Variants in FGD4 observed in about 807,000 individuals in gnomAD.
The protein encoded by FGD4 is FYVE, RhoGEF and PH domain containing 4, also known as FYVE, RhoGEF and PH domain-containing protein 4.
A neutral mutation model predicts 102.0 loss-of-function variants in FGD4; 42 were observed. The observed-to-expected ratio is 0.41, with a 90% CI of 0.32 to 0.53. FGD4 has a LOEUF of 0.53. Ranked by LOEUF, FGD4 falls within the 20% of genes least tolerant of loss-of-function variation. The probability of loss-of-function intolerance (pLI) is 0.21; values close to 1 mark genes in which losing one functional copy is unlikely to be tolerated. For missense variants in FGD4, 902 were observed against 1,078.2 expected (o/e 0.84, Z 2.29); for synonymous variants, 380 against 375.7 (o/e 1.01, Z -0.13).
chr12:32,465,130 G>T (rs956499364), intron 1 of FGD4, among the ~76,000 whole-genome samples: 2 of 152,052 alleles, frequency 1.3e-5, no homozygotes, highest in Non-Finnish European at 2.9e-5. Flanking sequence ...TTTGGGGTTG[G>T]GGCAGTGACC....
intron 2 of FGD4, among the ~76,000 whole-genome samples, chr12:32,573,626 A>G (rs939804301): frequency 6.6e-6 from 1 of 152,244 alleles, no homozygotes; most frequent in Admixed American, 6.5e-5. Flanking sequence ...TTAGTCATTC[A>G]TGTATCATCT....
intron 1 of FGD4, among the ~76,000 whole-genome samples, chr12:32,489,156 A>G (rs1051354256): frequency 2.0e-5 from 3 of 152,126 alleles, no homozygotes; most frequent in African/African-American, 7.2e-5. Flanking sequence ...ATCTCAGCCT[A>G]TGCTTCTCTT....
At chr12:32,487,434 T>TTAC (rs984268032) in intron 1 of FGD4, among the ~76,000 whole-genome samples, 1 of 152,028 alleles carries the variant, frequency 6.6e-6, no homozygotes, top group African/African-American at 2.4e-5. Context: ...GTTATTATTA[T>TTAC]TATCATTTTT....
intron 1 of FGD4, among the ~76,000 whole-genome samples, chr12:32,432,573 CAG>C (rs1310912894): frequency 1.3e-5 from 2 of 150,018 alleles, no homozygotes; most frequent in African/African-American, 4.9e-5. Flanking sequence ...CACTGCACTC[CAG>C]CCTGGGTGAC....
chr12:32,511,445 G>A (rs1259420563), intron 1 of FGD4, among the ~76,000 whole-genome samples: 1 of 152,050 alleles, frequency 6.6e-6, no homozygotes, highest in African/African-American at 2.4e-5. Context: ...GACTACAGGT[G>A]CCCACCACCA....
chr12:32,468,522 A>T (rs935508958), intron 1 of FGD4, among the ~76,000 whole-genome samples: 12 of 152,132 alleles, frequency 7.9e-5, no homozygotes, highest in African/African-American at 2.9e-4. Flanking sequence ...TCTAAGAAGG[A>T]TCTGTGTGCC....
At chr12:32,583,088 G>T (rs1946740592) in intron 4 of FGD4, 1 of 152,662 alleles carries the variant, frequency 6.6e-6, no homozygotes, top group Admixed American at 6.5e-5. Flanking sequence ...TGTAATCCCA[G>T]TACTTTGCGG....
At chr12:32,613,993 A>G (rs1462906913) in intron 10 of FGD4, among the ~76,000 whole-genome samples, 1 of 152,212 alleles carries the variant, frequency 6.6e-6, no homozygotes, top group Non-Finnish European at 1.5e-5. Flanking sequence ...GGGACAAGAC[A>G]TTGTTGAAGA....
At chr12:32,454,223 G>A (rs1942891199) in intron 1 of FGD4, among the ~76,000 whole-genome samples, 1 of 152,188 alleles carries the variant, frequency 6.6e-6, no homozygotes, top group African/African-American at 2.4e-5. Flanking sequence ...CATTCACACT[G>A]GATGAGTAAT....
chr12:32,405,451 G>A (rs1203432807), intron 1 of FGD4, among the ~76,000 whole-genome samples: 1 of 150,708 alleles, frequency 6.6e-6, no homozygotes, highest in Admixed American at 6.6e-5. Context: ...TAGAGATGGG[G>A]TTTCTCCAAG....
intron 1 of FGD4, among the ~76,000 whole-genome samples, chr12:32,444,327 GGCTGA>G (rs1216226641): frequency 6.6e-6 from 1 of 152,096 alleles, no homozygotes; most frequent in Non-Finnish European, 1.5e-5. Context: ...CCAGCCAACA[GGCTGA>G]TTTTCAAGAT....
intron 1 of FGD4, among the ~76,000 whole-genome samples, chr12:32,495,650 C>T (rs1170179645): frequency 4.0e-5 from 6 of 148,770 alleles, no homozygotes; most frequent in South Asian, 2.1e-4. Flanking sequence ...GAGCCGAGAT[C>T]GCACCACTGC....
At chr12:32,487,829 T>A (rs1318651312) in intron 1 of FGD4, among the ~76,000 whole-genome samples, 1 of 152,206 alleles carries the variant, frequency 6.6e-6, no homozygotes, top group East Asian at 1.9e-4. Context: ...AGCCTCCCGA[T>A]AGCTGGGACT....
chr12:32,545,814 T>C (rs894576094), intron 1 of FGD4, among the ~76,000 whole-genome samples: 1 of 152,222 alleles, frequency 6.6e-6, no homozygotes, highest in Non-Finnish European at 1.5e-5. Context: ...TTCTGTTGCT[T>C]CTAACCCTTC....
chr12:32,462,678 A>G (rs1357077319), intron 1 of FGD4, among the ~76,000 whole-genome samples: 2 of 152,182 alleles, frequency 1.3e-5, no homozygotes, highest in African/African-American at 4.8e-5. Context: ...TTTCTGTCTT[A>G]ACTGAAGACC....
At chr12:32,447,246 T>C (rs1370663453) in intron 1 of FGD4, among the ~76,000 whole-genome samples, 1 of 152,188 alleles carries the variant, frequency 6.6e-6, no homozygotes, top group Non-Finnish European at 1.5e-5. Flanking sequence ...TGGGGAGTCA[T>C]TAGGCTGAAA....
chr12:32,466,934 C>CT (rs941323348), intron 1 of FGD4, among the ~76,000 whole-genome samples: 3 of 151,520 alleles, frequency 2.0e-5, no homozygotes, highest in Non-Finnish European at 4.4e-5. Context: ...CAGGCAAGGC[C>CT]TTTTTAGAGG....
intron 1 of FGD4, among the ~76,000 whole-genome samples, chr12:32,461,397 CAT>C (rs1943100517): frequency 6.6e-6 from 1 of 152,168 alleles, no homozygotes; most frequent in Non-Finnish European, 1.5e-5. Context: ...TAGGAGCTCA[CAT>C]GTTATAGAAA....
At chr12:32,601,849 A>G (rs554044836) in intron 6 of FGD4, among the ~76,000 whole-genome samples, 2 of 152,014 alleles carry the variant, frequency 1.3e-5, no homozygotes, top group Non-Finnish European at 2.9e-5. Context: ...GCTCATGCCT[A>G]TAATCCCAGC....
Sources: gnomAD v4.1 joint callset for allele counts (sites outside exome capture counted in the v4.1 genomes callset) on GRCh38, gnomAD v4.1.1 for gene constraint, MANE v1.5 for transcripts, NCBI Gene and HGNC (gene_info 2026-07-23, HGNC 2026-07-21) for gene names.